The following DPH6 variants were observed in gnomAD, a reference collection of about 807,000 sequenced individuals.
DPH6 encodes the protein diphthamine biosynthesis 6.
A neutral mutation model predicts 38.2 loss-of-function variants in DPH6; 33 were observed. The ratio of observed to expected loss-of-function variants is 0.86; its 90% CI spans 0.65 to 1.15. DPH6 has a LOEUF of 1.15. Ranked by LOEUF, DPH6 falls within the 50% of genes most tolerant of loss-of-function variation. The probability of loss-of-function intolerance (pLI) is 0.00; values close to 1 mark genes in which losing one functional copy is unlikely to be tolerated. For synonymous variants in DPH6, 108 were observed against 103.0 expected (o/e 1.05, Z -0.30); for missense variants, 325 against 320.0 (o/e 1.02, Z -0.12).
intron 3 of DPH6, chr15:35,520,710 A>C: frequency 2.0e-6 from 2 of 985,130 alleles, no homozygotes; most frequent in Non-Finnish European, 2.4e-6. Context: ...AAACATGGAC[A>C]TTAGCTGTGA....
chr15:35,317,275 A>AG (rs2052198791), intron 3 of DPH6, among the ~76,000 whole-genome samples: 1 of 84,194 alleles, frequency 1.2e-5, no homozygotes, highest in African/African-American at 4.6e-5. Flanking sequence ...GAAAGAAAGA[A>AG]AGAGAGAGAG....
intron 3 of DPH6, among the ~76,000 whole-genome samples, chr15:35,256,677 T>C (rs956309407): frequency 5.3e-5 from 8 of 152,218 alleles, no homozygotes; most frequent in Admixed American, 2.0e-4. Flanking sequence ...GATTTAGCCA[T>C]GTCTGGGCAT....
intron 3 of DPH6, among the ~76,000 whole-genome samples, chr15:35,340,570 C>A (rs1216585413): frequency 6.6e-6 from 1 of 152,082 alleles, no homozygotes; most frequent in African/African-American, 2.4e-5. Flanking sequence ...CAAGGCAAAC[C>A]TGGTAGTGAC....
the DPH6 span, among the ~76,000 whole-genome samples, chr15:35,177,600 A>AATCATC: frequency 1.4e-3 from 188 of 134,456 alleles, no homozygotes; most frequent in Non-Finnish European, 1.6e-3. Flanking sequence ...AAAAAAAAAA[A>AATCATC]ATCATCATCA....
chr15:35,480,308 A>T (rs1339848126), intron 3 of DPH6, among the ~76,000 whole-genome samples: 1 of 152,150 alleles, frequency 6.6e-6, no homozygotes, highest in Non-Finnish European at 1.5e-5. Flanking sequence ...AATATTTATA[A>T]AACAGTTGCC....
intron 5 of DPH6, among the ~76,000 whole-genome samples, chr15:35,439,502 G>T (rs1385157110): frequency 6.6e-6 from 1 of 152,194 alleles, no homozygotes; most frequent in Non-Finnish European, 1.5e-5. Context: ...TGCAATCGGA[G>T]AAACTGGTTG....
intron 3 of DPH6, among the ~76,000 whole-genome samples, chr15:35,356,419 T>C (rs1374742830): frequency 1.3e-5 from 2 of 152,250 alleles, no homozygotes; most frequent in Non-Finnish European, 2.9e-5. Context: ...TAGTTTTATC[T>C]ACCTTTGGTC....
At chr15:35,409,716 C>G (rs2053340266) in intron 6 of DPH6, among the ~76,000 whole-genome samples, 1 of 151,772 alleles carries the variant, frequency 6.6e-6, no homozygotes. Context: ...TATAATGGAG[C>G]TACAGAACAA....
At chr15:35,441,708 T>C (rs2141058703) in intron 5 of DPH6, among the ~76,000 whole-genome samples, 1 of 152,200 alleles carries the variant, frequency 6.6e-6, no homozygotes, top group Admixed American at 6.5e-5. Flanking sequence ...ATATCTAATG[T>C]AGATGATGGG....
chr15:35,500,640 C>G (rs2054614046), intron 3 of DPH6, among the ~76,000 whole-genome samples: 2 of 152,144 alleles, frequency 1.3e-5, no homozygotes, highest in Admixed American at 1.3e-4. Context: ...AATAACAGGG[C>G]TACCCAAATA....
the DPH6 span, among the ~76,000 whole-genome samples, chr15:35,159,000 A>T: frequency 6.6e-6 from 1 of 152,034 alleles, no homozygotes; most frequent in Non-Finnish European, 1.5e-5. Flanking sequence ...ATATTTACTG[A>T]TTTTAAATGG....
chr15:35,146,069 C>CTGTGTGTG, the DPH6 span, among the ~76,000 whole-genome samples: 9 of 147,096 alleles, frequency 6.1e-5, no homozygotes, highest in East Asian at 2.0e-4. Flanking sequence ...CTTATAGTTT[C>CTGTGTGTG]TGTGTGTGTG....
chr15:35,527,122 C>T (rs2055015207), intron 3 of DPH6, among the ~76,000 whole-genome samples: 1 of 152,074 alleles, frequency 6.6e-6, no homozygotes, highest in South Asian at 2.1e-4. Context: ...AAGAAAATTA[C>T]ACTCATCTCA....
At chr15:35,285,057 A>C (rs2051931489) in intron 3 of DPH6, among the ~76,000 whole-genome samples, 1 of 151,938 alleles carries the variant, frequency 6.6e-6, no homozygotes. Context: ...TGATCCTCCC[A>C]CTTTCATCCC....
intron 4 of DPH6, among the ~76,000 whole-genome samples, chr15:35,454,086 T>C (rs909949966): frequency 6.6e-6 from 1 of 152,142 alleles, no homozygotes; most frequent in African/African-American, 2.4e-5. Flanking sequence ...AGGTGGTGTC[T>C]TGCCAGGCCA....
chr15:35,298,735 C>A, intron 3 of DPH6: 1 of 1,571,252 alleles, frequency 6.4e-7, no homozygotes, highest in South Asian at 1.1e-5. Flanking sequence ...TGATCTTGTG[C>A]GCCACCGTGC....
intron 3 of DPH6, among the ~76,000 whole-genome samples, chr15:35,497,164 T>A (rs1234873330): frequency 6.6e-6 from 1 of 152,214 alleles, no homozygotes; most frequent in Non-Finnish European, 1.5e-5. Flanking sequence ...ATTATCAGAC[T>A]AATTACTACG....
chr15:35,536,673 A>C (rs1393125757), intron 3 of DPH6, among the ~76,000 whole-genome samples: 1 of 152,064 alleles, frequency 6.6e-6, no homozygotes, highest in Non-Finnish European at 1.5e-5. Flanking sequence ...ATTTTTAAGC[A>C]ACCCAATTAC....
chr15:35,490,010 G>C (rs2054455880), intron 3 of DPH6: 1 of 985,158 alleles, frequency 1.0e-6, no homozygotes, highest in Non-Finnish European at 1.2e-6. Flanking sequence ...CCTTTATGTA[G>C]AAGAGGCACC....
Sources: gnomAD v4.1 joint callset for allele counts (sites outside exome capture counted in the v4.1 genomes callset) on GRCh38, gnomAD v4.1.1 for gene constraint, MANE v1.5 for transcripts, NCBI Gene and HGNC (gene_info 2026-07-23, HGNC 2026-07-21) for gene names.